Variants in TP53BP1 observed in about 807,000 individuals in gnomAD.
TP53BP1 encodes the protein tumor protein p53 binding protein 1, also known as TP53-binding protein 1.
TP53BP1 carries 61 observed loss-of-function variants against 200.8 expected under a neutral mutation model. The ratio of observed to expected loss-of-function variants is 0.30; its 90% CI spans 0.25 to 0.38. The LOEUF (loss-of-function observed/expected upper bound fraction) is 0.38. Ranked by LOEUF, TP53BP1 falls within the 10% of genes least tolerant of loss-of-function variation. The probability of loss-of-function intolerance (pLI) is 1.00; values close to 1 mark genes in which losing one functional copy is unlikely to be tolerated. For missense variants in TP53BP1, 2,144 were observed against 2,371.9 expected, an observed-to-expected ratio of 0.90 and a Z score of 2.00; for synonymous variants, 822 against 844.3, an observed-to-expected ratio of 0.97 and a Z score of 0.46.
rs904978985 is a variant in TP53BP1, at chr15:43,456,425, A to T, written c.2183T>A (p.Ile728Asn). The T allele has an allele frequency of 2.7e-5, 42 of 1,583,046 alleles. No homozygotes were observed. Among genetic ancestry groups the T allele is most frequent in the Non-Finnish European group, 3.5e-5 (41 of 1,169,122 alleles). ...CAACTTTTGAGGGGAATCAATACTA[A>T]TCACACTGGTTTCAACTTCCATAGC... The part of the protein sequence containing the change: ...SEAMEVETSV[I>N]SIDSPQKLAI... The change falls in exon 12 of 28, where the codon ATT becomes AAT. Residue 728 changes from isoleucine to asparagine, a missense_variant. This residue lies in a region of TP53BP1 where 1,700 missense variants were observed against 1,710.3 expected (regional missense o/e 0.99). Transcript: ENST00000382044.
chr15:43,498,355 T>C (rs1237543353), intron 1 of TP53BP1, among the ~76,000 whole-genome samples: 1 of 152,210 alleles, frequency 6.6e-6, no homozygotes, highest in Non-Finnish European at 1.5e-5. Flanking sequence ...TCTCAGTTAA[T>C]ATACCAGTAA....
At chr15:43,494,680 T>A (rs907114099), upstream of TP53BP1, among the ~76,000 whole-genome samples, 28 of 152,210 alleles carry the variant, frequency 1.8e-4, no homozygotes, top group African/African-American at 6.8e-4. Flanking sequence ...AGAGCAATAC[T>A]AACTACACTA....
At chr15:43,467,161 C>A (rs1028085194) in intron 11 of TP53BP1, among the ~76,000 whole-genome samples, 6 of 151,662 alleles carry the variant, frequency 4.0e-5, no homozygotes, top group African/African-American at 1.2e-4. Context: ...TCAAGCAATT[C>A]TCCAGGCAAT....
intron 1 of TP53BP1, among the ~76,000 whole-genome samples, chr15:43,499,276 G>A (rs1051573191): frequency 2.6e-5 from 4 of 152,136 alleles, no homozygotes; most frequent in African/African-American, 7.2e-5. Context: ...AGGGTGGAGA[G>A]GGGGAGGAGG....
rs1411391603 is a variant in TP53BP1, at chr15:43,477,670, C to A, written c.878G>T (p.Gly293Val). The change falls in exon 8 of 28, where the codon GGA becomes GTA. Residue 293 changes from glycine to valine, a missense_variant. Physicochemically the swap from Gly to Val is moderately radical, Grantham distance 109. Around this residue, in one of 4 missense-constraint regions of TP53BP1, gnomAD observed 1,700 missense variants for 1,710.3 expected, o/e 0.99. Transcript: ENST00000382044. ...CTCTGGTGACTTCTGAATCTGCAGT[C>A]CACTTTCCATAAGTTCTTGTGCAGA... Reference protein sequence around the residue: ...QLSAQELMESGLQIQKSPEPE... With the variant: ...QLSAQELMESVLQIQKSPEPE... 11 of 1,613,914 alleles carry A rather than the reference C, an allele frequency of 6.8e-6. No homozygotes were observed. Among genetic ancestry groups the A allele is most frequent in the African/African-American group, 1.3e-5 (1 of 75,042 alleles).
At chr15:43,436,713 C>T (rs1372099064) in intron 16 of TP53BP1, among the ~76,000 whole-genome samples, 1 of 151,572 alleles carries the variant, frequency 6.6e-6, no homozygotes, top group East Asian at 1.9e-4. Flanking sequence ...AAACTCCTGG[C>T]CTCAAGTAAT....
chr15:43,462,162 T>C (rs942373245), intron 11 of TP53BP1, among the ~76,000 whole-genome samples: 2 of 116,338 alleles, frequency 1.7e-5, no homozygotes, highest in Non-Finnish European at 3.3e-5. Context: ...TGAAACCCCA[T>C]CTCTACTAAA....
At chr15:43,471,166 T>C (rs1230943576) in intron 10 of TP53BP1, among the ~76,000 whole-genome samples, 1 of 151,756 alleles carries the variant, frequency 6.6e-6, no homozygotes, top group East Asian at 1.9e-4. Flanking sequence ...CTGATGTACA[T>C]ACATATTAAG....
chr15:43,408,376 G>C (rs980065602), intron 26 of TP53BP1: 9 of 320,980 alleles, frequency 2.8e-5, no homozygotes, highest in Admixed American at 9.2e-5. Context: ...AGCAGCTTGG[G>C]AGGCTGAGGT....
rs1418006860 is a variant in TP53BP1 at position 43,456,368 on chromosome 15, T to C, written c.2240A>G (p.Glu747Gly). 2 of 1,609,424 alleles carry C rather than the reference T, an allele frequency of 1.2e-6. No homozygotes were observed. The highest frequency in any genetic ancestry group is 3.4e-5 in the Admixed American group (2 of 58,934). Residue 747 changes from glutamate to glycine, a missense_variant, in exon 12 of 28, where the codon GAA becomes GGA. Transcript: ENST00000382044. ...AILDQELEHK[E>G]QEAWEEATSE... ...AGTAGCTTCTTCCCAAGCTTCCTGT[T>C]CCTTATGTTCCAATTCTTGGTCAAG...
rs1595554364 is a variant in TP53BP1, at chr15:43,437,724, C to T, written c.3191+600G>A. ...AAATATTTAACAAAATTTCTCATGA[C>T]AGCTCATCAATCTATCCAGAATACA... On this transcript the variant is annotated intron_variant, in intron 16 of 27. Transcript: ENST00000382044. Among the ~76,000 whole-genome samples, 3 of 152,238 alleles carry T rather than the reference C, an allele frequency of 2.0e-5. No individual in the cohort carries two copies. The South Asian group carries it at 6.2e-4, about 32-fold the overall frequency.
intron 12 of TP53BP1, 137 bp from the exon 13 acceptor site, chr15:43,447,622 T>A (rs8027748): frequency 0.18 from 150,408 of 851,082 alleles, 14,560 homozygotes; most frequent in Middle Eastern, 0.26. Context: ...AAATTCTGTC[T>A]CATTGCCACC....
chr15:43,493,317 A>G (rs1411389905), upstream of TP53BP1: 7 of 1,077,892 alleles, frequency 6.5e-6, no homozygotes, highest in Non-Finnish European at 9.0e-6. Flanking sequence ...TGGACGTTGC[A>G]GGCCCTCCCC....
chr15:43,444,899 T>C lies in TP53BP1; in HGVS notation c.3040+1488A>G, dbSNP rs963874274. ...ATGCCTCCCTCTTTTGGATCCTTCC[T>C]TAACCCATTTATGCTGGAGGTTGCA... is the stretch of plus-strand genomic sequence containing the variant. On this transcript the variant is annotated intron_variant, in intron 14 of 27. Transcript: ENST00000382044. Among the ~76,000 whole-genome samples the C allele has an allele frequency of 4.6e-5, 7 of 152,288 alleles. No individual in the cohort carries two copies. The South Asian group carries it at 1.4e-3, about 32-fold the overall frequency.
chr15:43,437,985 T>C (rs1183386064), intron 16 of TP53BP1, among the ~76,000 whole-genome samples: 1 of 152,156 alleles, frequency 6.6e-6, no homozygotes, highest in Non-Finnish European at 1.5e-5. Context: ...CGTAACACGG[T>C]GGAAAGACAT....
intron 26 of TP53BP1, chr15:43,408,528 A>G (rs1005439620): frequency 1.8e-5 from 5 of 277,896 alleles, no homozygotes; most frequent in Non-Finnish European, 2.8e-5. Flanking sequence ...CCTTCTTTCT[A>G]TGAATGATCT....
At position 43,405,101 on chromosome 15, in the gene TP53BP1, A is replaced by G; in HGVS notation, c.*2282T>C. 1.5e-6 allele frequency: 2 copies of G among 1,376,490 alleles called. No homozygotes were observed. Among genetic ancestry groups the G allele is most frequent in the Non-Finnish European group, 2.0e-6 (2 of 979,086 alleles). 85.3% of individuals were successfully genotyped at this position (1,376,490 alleles called of 1,614,324 possible). A position where few individuals can be genotyped will look rare whatever the true frequency, so the allele number is the denominator to read the frequency against. On this transcript the variant is annotated 3_prime_UTR_variant, in exon 28 of 28. Transcript: ENST00000382044. ...AGTCAAAAGAAACTCTTCAGTTTTAAGATGACATTATTTAGATCACAGGTT... is the reference window on the plus strand; with the variant it reads ...AGTCAAAAGAAACTCTTCAGTTTTAGGATGACATTATTTAGATCACAGGTT...
At chr15:43,471,918 A>G (rs2046735348) in intron 10 of TP53BP1, among the ~76,000 whole-genome samples, 1 of 152,208 alleles carries the variant, frequency 6.6e-6, no homozygotes. Flanking sequence ...GCTTAGATTG[A>G]TATTAGTCAA....
intron 18 of TP53BP1, among the ~76,000 whole-genome samples, chr15:43,424,750 A>G (rs1333785735): frequency 6.6e-6 from 1 of 152,216 alleles, no homozygotes; most frequent in Non-Finnish European, 1.5e-5. Flanking sequence ...TAATATGGTA[A>G]TATGTGAATT....
Sources: allele counts gnomAD v4.1 joint callset (sites outside exome capture counted in the v4.1 genomes callset), GRCh38; gene constraint gnomAD v4.1.1; regional missense constraint gnomAD v4.1.1; transcripts MANE v1.5; gene names NCBI Gene and HGNC (gene_info 2026-07-23, HGNC 2026-07-21).